The following NRG1 variants were observed in gnomAD, a reference collection of about 807,000 sequenced individuals.
NRG1 encodes neuregulin 1, also known as pro-neuregulin-1, membrane-bound isoform.
A neutral mutation model predicts 63.8 loss-of-function variants in NRG1; 18 were observed. The ratio of observed to expected loss-of-function variants is 0.28; its 90% CI spans 0.19 to 0.42. The LOEUF is 0.42. Among genes scored for constraint, NRG1 ranks in the 10% least tolerant of loss-of-function variants. The pLI, the probability that NRG1 is intolerant of heterozygous loss-of-function variation, is 1.00. For synonymous variants in NRG1, 302 were observed against 301.3 expected (o/e 1.00, Z -0.02); for missense variants, 762 against 814.7 (o/e 0.94, Z 0.79).
intron 1 of NRG1, among the ~76,000 whole-genome samples, chr8:31,930,776 T>A (rs975333865): frequency 3.3e-5 from 5 of 152,100 alleles, no homozygotes; most frequent in African/African-American, 9.7e-5. Context: ...CACCACTGAC[T>A]TTTTTAGGGC....
At chr8:32,721,036 G>A (rs899783604) in intron 5 of NRG1, among the ~76,000 whole-genome samples, 2 of 152,142 alleles carry the variant, frequency 1.3e-5, no homozygotes, top group Non-Finnish European at 2.9e-5. Context: ...CTGCTGAATA[G>A]GAAGAAATGA....
chr8:31,855,293 C>A (rs962194769), intron 1 of NRG1, among the ~76,000 whole-genome samples: 2 of 152,126 alleles, frequency 1.3e-5, no homozygotes, highest in African/African-American at 4.8e-5. Flanking sequence ...AATCTGGGGG[C>A]TCCTGTATTG....
intron 1 of NRG1, among the ~76,000 whole-genome samples, chr8:32,439,332 T>G (rs773381708): frequency 1.3e-5 from 2 of 152,216 alleles, no homozygotes; most frequent in Non-Finnish European, 2.9e-5. Flanking sequence ...ATTTCTTTGC[T>G]TCAGGGACTT....
intron 1 of NRG1, among the ~76,000 whole-genome samples, chr8:31,759,423 T>G (rs1333477390): frequency 6.6e-6 from 1 of 152,060 alleles, no homozygotes; most frequent in Non-Finnish European, 1.5e-5. Flanking sequence ...ATGTATAGTA[T>G]AAGGTCAAGA....
chr8:32,689,242 CCA>C (rs1485555044), intron 5 of NRG1, among the ~76,000 whole-genome samples: 1 of 151,492 alleles, frequency 6.6e-6, no homozygotes, highest in Non-Finnish European at 1.5e-5. Flanking sequence ...AGTGTGGACT[CCA>C]GTGTTCAGCA....
At chr8:32,164,494 T>C (rs373387127) in intron 1 of NRG1, among the ~76,000 whole-genome samples, 246 of 152,302 alleles carry the variant, frequency 1.6e-3, no homozygotes, top group Admixed American at 6.7e-3. Context: ...ATTTAGGTTT[T>C]ATGGGATAAT....
intron 1 of NRG1, among the ~76,000 whole-genome samples, chr8:31,894,528 C>A (rs957903916): frequency 6.7e-6 from 1 of 149,780 alleles, no homozygotes; most frequent in South Asian, 2.1e-4. Context: ...GTAGTGAAAT[C>A]ATAATTGCTA....
At chr8:32,172,087 G>T (rs551727377) in intron 1 of NRG1, among the ~76,000 whole-genome samples, 1 of 152,148 alleles carries the variant, frequency 6.6e-6, no homozygotes, top group Non-Finnish European at 1.5e-5. Context: ...CTAACTGGGA[G>T]GCACCCCCCA....
chr8:32,652,149 T>C (rs548444073), intron 5 of NRG1, among the ~76,000 whole-genome samples: 3 of 152,230 alleles, frequency 2.0e-5, no homozygotes, highest in Admixed American at 6.5e-5. Context: ...CTGTAGAGAG[T>C]TGGAGCTAGA....
At chr8:32,026,302 T>G (rs1817366544) in intron 1 of NRG1, 1 of 152,112 alleles carries the variant, frequency 6.6e-6, no homozygotes, top group African/African-American at 2.4e-5. Context: ...AACTCTTCAG[T>G]CTTTGGGCTA....
intron 1 of NRG1, among the ~76,000 whole-genome samples, chr8:31,645,621 C>T (rs1422041041): frequency 1.3e-5 from 2 of 152,146 alleles, no homozygotes; most frequent in Non-Finnish European, 2.9e-5. Flanking sequence ...TACAGACTTG[C>T]CATCCAGGCA....
At chr8:31,680,143 A>C in intron 1 of NRG1, among the ~76,000 whole-genome samples, 1 of 151,912 alleles carries the variant, frequency 6.6e-6, no homozygotes, top group Non-Finnish European at 1.5e-5. Flanking sequence ...TTTATTTTTT[A>C]TTTTTTTATT....
chr8:32,406,264 C>T (rs1000580032), intron 1 of NRG1, among the ~76,000 whole-genome samples: 10 of 152,118 alleles, frequency 6.6e-5, no homozygotes, highest in Admixed American at 2.0e-4. Context: ...GTCAGGGGCA[C>T]GGTCTCGGGA....
intron 1 of NRG1, among the ~76,000 whole-genome samples, chr8:32,061,414 A>C (rs1823837814): frequency 1.3e-5 from 2 of 151,916 alleles, no homozygotes; most frequent in Admixed American, 1.3e-4. Context: ...TTTTGTGATG[A>C]CTTTTTTTTC....
chr8:31,883,294 T>G (rs1000701652), intron 1 of NRG1, among the ~76,000 whole-genome samples: 1 of 152,136 alleles, frequency 6.6e-6, no homozygotes, highest in Non-Finnish European at 1.5e-5. Flanking sequence ...TTAAGGTATG[T>G]ACATTTTTCA....
At chr8:32,171,059 T>G (rs1325801131) in intron 1 of NRG1, among the ~76,000 whole-genome samples, 1 of 152,154 alleles carries the variant, frequency 6.6e-6, no homozygotes, top group Non-Finnish European at 1.5e-5. Context: ...ACTTCCTGTG[T>G]GTCTAGCTTG....
chr8:31,865,294 C>A (rs1257673112), intron 1 of NRG1, among the ~76,000 whole-genome samples: 1 of 152,146 alleles, frequency 6.6e-6, no homozygotes, highest in African/African-American at 2.4e-5. Flanking sequence ...AGGAAGTAGG[C>A]TCTCAGAGGG....
chr8:32,236,149 ATGTGTG>A (rs3055524), intron 1 of NRG1, among the ~76,000 whole-genome samples: 3 of 149,898 alleles, frequency 2.0e-5, no homozygotes, highest in African/African-American at 7.3e-5. Flanking sequence ...GTGTGTGTGA[ATGTGTG>A]TGTGTGTGTT....
At position 32,742,135 on chromosome 8, in the gene NRG1, C is replaced by T; in HGVS notation, c.633-540C>T. On this transcript the variant is annotated intron_variant, in intron 6 of 11. Coordinates refer to ENST00000356819, the Ensembl canonical transcript of NRG1. The surrounding 1 kb of genome is among the most constrained non-coding windows in gnomAD (Gnocchi z 4.2). Reference sequence around the variant, plus strand: ...CCAACTACAGCAACAATCACTACCACTTGGTGCTTTTACAGCTCAGTCGTA... The same window carrying T: ...CCAACTACAGCAACAATCACTACCATTTGGTGCTTTTACAGCTCAGTCGTA... The T allele has an allele frequency of 7.4e-7, 1 of 1,357,688 alleles. No individual in the cohort carries two copies. Among genetic ancestry groups the T allele is most frequent in the African/African-American group, 1.4e-5 (1 of 70,020 alleles). 84.1% of individuals were successfully genotyped at this position (1,357,688 alleles called of 1,614,324 possible). A position where few individuals can be genotyped will look rare whatever the true frequency, so the allele number is the denominator to read the frequency against.
Sources: gnomAD v4.1 joint callset for allele counts (sites outside exome capture counted in the v4.1 genomes callset) on GRCh38, gnomAD v4.1.1 for gene constraint, Gnocchi (gnomAD v3.1) non-coding constraint, MANE v1.5 for transcripts, NCBI Gene and HGNC (gene_info 2026-07-23, HGNC 2026-07-21) for gene names.